The following FBXL4 variants were observed in gnomAD, a reference collection of about 807,000 sequenced individuals.
FBXL4 encodes F-box and leucine rich repeat protein 4.
A neutral mutation model predicts 58.9 loss-of-function variants in FBXL4; 40 were observed. The ratio of observed to expected loss-of-function variants is 0.68; its 90% CI spans 0.53 to 0.88. The LOEUF is 0.88. Ranked by LOEUF, FBXL4 falls within the 40% of genes least tolerant of loss-of-function variation. The pLI is 0.00. For missense variants in FBXL4, 676 were observed against 734.4 expected (o/e 0.92, Z 0.92); for synonymous variants, 263 against 265.5 (o/e 0.99, Z 0.09).
At chr6:98,907,421 G>C (rs1285787816) in intron 5 of FBXL4, among the ~76,000 whole-genome samples, 1 of 152,160 alleles carries the variant, frequency 6.6e-6, no homozygotes, top group African/African-American at 2.4e-5. Context: ...AGGAAATAAG[G>C]GGTCTGCTTA....
chr6:98,898,834 T>G (rs1396175844), intron 7 of FBXL4: 3 of 985,324 alleles, frequency 3.0e-6, no homozygotes, highest in Non-Finnish European at 3.6e-6. Context: ...ACATGATTCC[T>G]TTTTAAATGA....
In FBXL4 at chr6:98,871,791, T is replaced by C. The variant is rs374567322; in HGVS notation, c.*2487A>G. 3.3e-5 allele frequency: 5 copies of C among 152,288 alleles called. No homozygotes were observed. The highest frequency in any genetic ancestry group is 1.2e-4 in the African/African-American group (5 of 41,564). 9.4% of individuals were successfully genotyped at this position (152,288 alleles called of 1,614,324 possible). The stretch of plus-strand genomic sequence containing the variant: ...GTTATCTTTTGTCAGATACAGAAGA[T>C]GAATATGCTGATTTGCCCAACCACA... On this transcript the variant is annotated 3_prime_UTR_variant, in exon 10 of 10. Coordinates refer to ENST00000369244, the MANE Select transcript of FBXL4 (RefSeq NM_001278716.2).
At chr6:98,910,691 G>A (rs1772010624) in intron 5 of FBXL4, among the ~76,000 whole-genome samples, 1 of 152,042 alleles carries the variant, frequency 6.6e-6, no homozygotes, top group Non-Finnish European at 1.5e-5. Flanking sequence ...TATTGTGGGG[G>A]GAGGAGCCAA....
intron 6 of FBXL4, among the ~76,000 whole-genome samples, chr6:98,902,642 C>A (rs1439590637): frequency 1.3e-5 from 2 of 151,466 alleles, no homozygotes; most frequent in Admixed American, 6.6e-5. Context: ...TAAAAACCTA[C>A]ACATAACTGA....
At chr6:98,942,148 G>A (rs1221193075) in intron 1 of FBXL4, among the ~76,000 whole-genome samples, 1 of 151,196 alleles carries the variant, frequency 6.6e-6, no homozygotes, top group Non-Finnish European at 1.5e-5. Flanking sequence ...AGATATGCAA[G>A]TATACTTCCC....
Position 98,926,586 on chromosome 6 carries a change from C to T in FBXL4, c.403G>A (p.Val135Met), listed in dbSNP as rs1331215506. Residue 135 changes from valine to methionine, a missense_variant, in exon 4 of 10, where the codon GTG becomes ATG. Transcript: ENST00000369244. ...AGAACATGTACAGCTGTAGGATACA[C>T]CTGTTGTTCAAAAGTAAGTTCCACA... is the stretch of plus-strand genomic sequence containing the variant. ...DYVELTFEQQ[V>M]YPTAVHVLET... 1.2e-6 allele frequency: 2 copies of T among 1,614,112 alleles called. No homozygotes were observed. Among genetic ancestry groups the T allele is most frequent in the Non-Finnish European group, 1.7e-6 (2 of 1,179,972 alleles).
chr6:98,946,135 G>C (rs1582469086), intron 1 of FBXL4, among the ~76,000 whole-genome samples: 1 of 152,074 alleles, frequency 6.6e-6, no homozygotes, highest in Admixed American at 6.5e-5. Context: ...TATAAACCTA[G>C]AGCAATAAGA....
At chr6:98,908,686 A>G (rs187741873) in intron 5 of FBXL4, among the ~76,000 whole-genome samples, 10 of 152,270 alleles carry the variant, frequency 6.6e-5, no homozygotes. Flanking sequence ...CTGAAAGACA[A>G]AAAAGGAAGA....
At chr6:98,932,855 G>C (rs1421990413) in intron 2 of FBXL4, among the ~76,000 whole-genome samples, 3 of 148,702 alleles carry the variant, frequency 2.0e-5, no homozygotes, top group African/African-American at 7.5e-5. Flanking sequence ...AAGGCAAATT[G>C]TAACACAATA....
At chr6:98,892,165 A>G (rs900905202) in intron 7 of FBXL4, among the ~76,000 whole-genome samples, 1 of 152,222 alleles carries the variant, frequency 6.6e-6, no homozygotes, top group Non-Finnish European at 1.5e-5. Context: ...CAGCTATTAA[A>G]ACTATTGATT....
chr6:98,904,687 C>T (rs532952781), intron 6 of FBXL4, among the ~76,000 whole-genome samples: 3 of 152,104 alleles, frequency 2.0e-5, no homozygotes, highest in Non-Finnish European at 4.4e-5. Flanking sequence ...AAAGTTTCTA[C>T]TTCTTCATTA....
Position 98,927,050 on chromosome 6 carries a change from T to G in FBXL4, c.-62A>C. On this transcript the variant is annotated 5_prime_UTR_variant, in exon 4 of 10. Coordinates refer to ENST00000369244, the MANE Select transcript of FBXL4 (RefSeq NM_001278716.2). ...TCCTCAGTAAGATGCATGAACTCTT[T>G]GAAGGATGTTCTAAAAAAATGAATG... 1 of 1,500,788 alleles carries G rather than the reference T, an allele frequency of 6.7e-7. No individual in the cohort carries two copies. Among genetic ancestry groups the G allele is most frequent in the East Asian group, 2.3e-5 (1 of 44,094 alleles). 93.0% of individuals were successfully genotyped at this position (1,500,788 alleles called of 1,614,324 possible). A position where few individuals can be genotyped will look rare whatever the true frequency, so the allele number is the denominator to read the frequency against.
At chr6:98,920,963 T>A (rs1017798085) in intron 4 of FBXL4, among the ~76,000 whole-genome samples, 1 of 152,174 alleles carries the variant, frequency 6.6e-6, no homozygotes, top group Non-Finnish European at 1.5e-5. Context: ...ACATGTTTAA[T>A]ATTATTCTCA....
intron 5 of FBXL4, 69 bp downstream of exon 5, chr6:98,917,305 C>T: frequency 9.5e-7 from 1 of 1,058,102 alleles, no homozygotes; most frequent in Non-Finnish European, 1.4e-6. Flanking sequence ...GCTCAGTAAA[C>T]ATTAATATCT....
chr6:98,890,966 T>G (rs2128385218), intron 7 of FBXL4, among the ~76,000 whole-genome samples: 1 of 152,226 alleles, frequency 6.6e-6, no homozygotes, highest in Non-Finnish European at 1.5e-5. Context: ...TTTTAAGAAC[T>G]ATTTAAAGTA....
At chr6:98,942,362 A>G (rs559912583) in intron 1 of FBXL4, among the ~76,000 whole-genome samples, 1 of 152,228 alleles carries the variant, frequency 6.6e-6, no homozygotes, top group Admixed American at 6.5e-5. Context: ...TATGGTTTGC[A>G]TCTGTGTCTG....
chr6:98,882,323 G>C (rs1419348828), intron 7 of FBXL4, among the ~76,000 whole-genome samples: 1 of 151,660 alleles, frequency 6.6e-6, no homozygotes, highest in South Asian at 2.1e-4. Context: ...ATCATGACTC[G>C]GTGTTTAAAA....
chr6:98,915,316 C>T (rs1262265433), intron 5 of FBXL4, among the ~76,000 whole-genome samples: 1 of 152,082 alleles, frequency 6.6e-6, no homozygotes, highest in Admixed American at 6.5e-5. Flanking sequence ...TTGGAAAAAA[C>T]TACTTTAAAG....
chr6:98,884,600 T>C (rs931434649), intron 7 of FBXL4, among the ~76,000 whole-genome samples: 2 of 152,162 alleles, frequency 1.3e-5, no homozygotes, highest in African/African-American at 4.8e-5. Context: ...AGGTAATATA[T>C]CTTTTGTCTC....
Sources: allele counts gnomAD v4.1 joint callset (sites outside exome capture counted in the v4.1 genomes callset), GRCh38; gene constraint gnomAD v4.1.1; transcripts MANE v1.5; gene names NCBI Gene and HGNC (gene_info 2026-07-23, HGNC 2026-07-21).